PER1: variants seen among roughly 807,000 people sequenced by gnomAD.
PER1 encodes the protein period circadian protein homolog 1.
Under a neutral mutation model 125.9 loss-of-function variants are expected in PER1, and 87 were observed. The observed-to-expected ratio is 0.69, with a 90% CI of 0.58 to 0.83. The LOEUF (loss-of-function observed/expected upper bound fraction) is 0.83. Among genes scored for constraint, PER1 ranks in the 40% least tolerant of loss-of-function variants. The pLI, the probability that PER1 is intolerant of heterozygous loss-of-function variation, is 0.00. For missense variants in PER1, 1,775 were observed against 1,722.8 expected (o/e 1.03, Z -0.54); for synonymous variants, 801 against 714.7 (o/e 1.12, Z -1.93).
chr17:8,145,049 C>G, intron 17 of PER1, 56 bp from the exon 18 acceptor site: 1 of 1,390,542 alleles, frequency 7.2e-7, no homozygotes, highest in Non-Finnish European at 9.4e-7. Flanking sequence ...GTCAACACAT[C>G]CATACCACAC....
chr17:8,141,422 A>G (rs1982073119), intron 22 of PER1, 82 bp from the exon 23 acceptor site: 4 of 1,463,236 alleles, frequency 2.7e-6, no homozygotes, highest in African/African-American at 2.8e-5. Flanking sequence ...CCCCCAGCCC[A>G]CTGTGCTTCC....
Position 8,150,676 on chromosome 17 carries a change from C to G in PER1, c.31G>C (p.Gly11Arg). 1.3e-6 allele frequency: 2 copies of G among 1,581,646 alleles called. No individual in the cohort carries two copies. The highest frequency in any genetic ancestry group is 1.1e-5 in the South Asian group (1 of 87,114). MSGPLEGADG[G>R]GDPRPGESFC... The stretch of plus-strand genomic sequence containing the variant: ...GATTCCCCAGGCCTGGGGTCCCCTC[C>G]CCCATCAGCCCCTTCTAGGGGGCCA... Residue 11 changes from glycine (G) to arginine (R), a missense_variant, in exon 2 of 23, where the codon GGA (glycine) becomes CGA (arginine). Physicochemically the swap from Gly to Arg is moderately radical, Grantham distance 125. Transcript: ENST00000317276.
chr17:8,151,599 ACT>A (rs1038703146), intron 1 of PER1, among the ~76,000 whole-genome samples: 2 of 151,246 alleles, frequency 1.3e-5, no homozygotes, highest in African/African-American at 4.9e-5. Flanking sequence ...CCTCAACCTG[ACT>A]CTCGCCTGGA....
intron 10 of PER1, 65 bp downstream of exon 10, chr17:8,147,932 C>A: frequency 1.3e-6 from 2 of 1,582,596 alleles, no homozygotes; most frequent in Non-Finnish European, 8.6e-7. Context: ...AGAGACACAA[C>A]CACAAGGGCA....
chr17:8,149,348 C>T (rs2151861576), intron 6 of PER1, 38 bp from the exon 7 acceptor site: 2 of 1,611,092 alleles, frequency 1.2e-6, no homozygotes, highest in African/African-American at 2.7e-5. Context: ...CAGCTTCCTG[C>T]CCCTTCCCTA....
At chr17:8,148,289 T>A in intron 8 of PER1, 30 bp from the exon 9 acceptor site, 1 of 1,587,712 alleles carries the variant, frequency 6.3e-7, no homozygotes, top group South Asian at 1.1e-5. Context: ...GTCACTGGGT[T>A]TCGTCCAGAA....
Position 8,141,092 on chromosome 17 carries a change from AG to A in PER1, c.3848del (p.Pro1283LeufsTer20). On this transcript the variant is annotated frameshift_variant, in exon 23 of 23. Transcript: ENST00000317276. LOFTEE classifies it high-confidence loss of function. ...EGRSSSSPAL[P>X]TAGNCTS is the part of the protein sequence containing the mutation. ...TCTAGCTGGTGCAGTTTCCTGCTGT[AG>A]GTAAGGCTGGACTGGATGAGCTCCT... 6.2e-7 allele frequency: 1 copy of A among 1,613,706 alleles called. No homozygotes were observed. The highest frequency in any genetic ancestry group is 8.5e-7 in the Non-Finnish European group (1 of 1,179,762).
At chr17:8,143,146 ACTCC>A (rs1369665849) in intron 19 of PER1, 116 bp downstream of exon 19, 1 of 710,064 alleles carries the variant, frequency 1.4e-6, no homozygotes, top group Non-Finnish European at 2.2e-6. Flanking sequence ...TCAGCTGGGG[ACTCC>A]CTCCACCTCC....
rs548724906 is a variant in PER1 at position 8,143,792 on chromosome 17, C to T, written c.2546G>A (p.Arg849Gln). Reference sequence around the variant, plus strand: ...TGAGACATAGCAGGGCGCTTCAGCCCGAGGGTTCTGGTGGTGGCGTGAGCG... The same window carrying T: ...TGAGACATAGCAGGGCGCTTCAGCCTGAGGGTTCTGGTGGTGGCGTGAGCG... ...AKRSRHHQNP[R>Q]AEAPCYVSHP... The change falls in exon 19 of 23, where the codon CGG becomes CAG. Residue 849 changes from arginine (R) to glutamine (Q), a missense_variant. Arg to Gln is a conservative substitution (Grantham distance 43, BLOSUM62 1). Transcript: ENST00000317276. The T allele has an allele frequency of 6.2e-6, 10 of 1,608,606 alleles. No homozygotes were observed. The East Asian group carries it at 1.1e-4, about 18-fold the overall frequency.
rs767843856 is a variant in PER1 at position 8,149,674 on chromosome 17, G to T, written c.652-11C>A. ...CACTGAGAAGGTATCCTGGCAGGAG[G>T]GGGAGAGCAAGAGCAGATTCAAGAG... On this transcript the variant is annotated splice_polypyrimidine_tract_variant and intron_variant, in intron 5 of 22. Coordinates refer to ENST00000317276, the MANE Select transcript of PER1 (RefSeq NM_002616.3). 10 of 1,609,764 alleles carry T rather than the reference G, an allele frequency of 6.2e-6. No homozygotes were observed. Among genetic ancestry groups the T allele is most frequent in the South Asian group, 2.2e-5 (2 of 91,024 alleles).
chr17:8,146,852 AC>A (rs367891081), intron 14 of PER1, 44 bp downstream of exon 14: 9 of 1,602,956 alleles, frequency 5.6e-6, no homozygotes, highest in South Asian at 5.5e-5. Flanking sequence ...AGGTCAGGGG[AC>A]CCCCCAGGTC....
At chr17:8,150,341 T>C in intron 2 of PER1, 24 bp from the exon 3 acceptor site, 3 of 1,546,362 alleles carry the variant, frequency 1.9e-6, no homozygotes, top group Non-Finnish European at 2.6e-6. Context: ...ACAGGCCCAG[T>C]TACAGGTAGG....
rs1982439213 is a variant in PER1 at position 8,146,398 on chromosome 17, C to T, written c.2012G>A (p.Gly671Asp). Residue 671 changes from glycine to aspartate, a missense_variant, in exon 16 of 23, where the codon GGT becomes GAT. Coordinates refer to ENST00000317276, the MANE Select transcript of PER1 (RefSeq NM_002616.3). The part of the protein sequence containing the change: ...SASDDDRQRT[G>D]PVSVGTKKDP... ...TTTCTTGGTCCCCACAGAGACTGGA[C>T]CTGTCCTCTGCCTGTCGTCGTCAGA... 2 of 1,611,568 alleles carry T rather than the reference C, an allele frequency of 1.2e-6. No individual in the cohort carries two copies. Among genetic ancestry groups the T allele is most frequent in the Non-Finnish European group, 1.7e-6 (2 of 1,178,802 alleles).
chr17:8,148,646 T>C lies in PER1; in HGVS notation c.1046A>G (p.Glu349Gly), dbSNP rs368859646. Residue 349 changes from glutamate to glycine, a missense_variant and splice_region_variant, in exon 8 of 23, where the codon GAA (glutamate) becomes GGA (glycine). Glu to Gly is a moderately conservative substitution (Grantham distance 98). Coordinates refer to ENST00000317276, the MANE Select transcript of PER1 (RefSeq NM_002616.3). ...LIAERIHSGY[E>G]APRIPPDKRI... ...GGCCAGGGCCCTGACCTGCCCACCTTCGTAACCCGAATGGATGCGCTCTGC... is the reference window on the plus strand; with the variant it reads ...GGCCAGGGCCCTGACCTGCCCACCTCCGTAACCCGAATGGATGCGCTCTGC... 1 of 1,604,588 alleles carries C rather than the reference T, an allele frequency of 6.2e-7. No individual in the cohort carries two copies. The highest frequency in any genetic ancestry group is 8.5e-7 in the Non-Finnish European group (1 of 1,176,552).
chr17:8,144,167 G>A (rs913613978), intron 18 of PER1: 2 of 487,522 alleles, frequency 4.1e-6, no homozygotes, highest in South Asian at 6.6e-5. Context: ...GGAGGAAGCA[G>A]GGTGAGTCCA....
rs753638058 is a variant in PER1, at chr17:8,141,990, G to A, written c.3450-35C>T. On this transcript the variant is annotated intron_variant, in intron 21 of 22. Transcript: ENST00000317276. ...AAGGGGTTCAGAAGGCAGAGGCTGGGATCCAGGACCCGGACCAGGACCCAT... is the reference window on the plus strand; with the variant it reads ...AAGGGGTTCAGAAGGCAGAGGCTGGAATCCAGGACCCGGACCAGGACCCAT... 1.7e-5 allele frequency: 27 copies of A among 1,611,782 alleles called. No individual in the cohort carries two copies. The South Asian group carries it at 2.0e-4, about 12-fold the overall frequency.
Position 8,143,707 on chromosome 17 carries a change from G to A in PER1, c.2631C>T (p.Phe877=), listed in dbSNP as rs1392481422. 1 of 1,408,984 alleles carries A rather than the reference G, an allele frequency of 7.1e-7. No homozygotes were observed. Among genetic ancestry groups the A allele is most frequent in the Admixed American group, 2.1e-5 (1 of 46,584 alleles). The allele number at this position is 1,408,984 out of a possible 1,614,324, so 87.3% of individuals were successfully genotyped here. A position where few individuals can be genotyped will look rare whatever the true frequency, so the allele number is the denominator to read the frequency against. Residue 877 remains phenylalanine, a synonymous_variant, in exon 19 of 23, where the codon TTC becomes TTT. Coordinates refer to ENST00000317276, the MANE Select transcript of PER1 (RefSeq NM_002616.3). The stretch of plus-strand genomic sequence containing the variant: ...GAGGGTAGGGCTGGACAACCGCTGG[G>A]AAGGGGGTAGTGGCTGGTGGGGTGG... ...PWPTPPATTP[F]PAVVQPYPLP...
intron 1 of PER1, among the ~76,000 whole-genome samples, chr17:8,151,257 A>C (rs1982845502): frequency 6.6e-6 from 1 of 152,194 alleles, no homozygotes; most frequent in African/African-American, 2.4e-5. Flanking sequence ...CCCCCGCTGC[A>C]CATGCGCGCC....
chr17:8,150,248 C>G lies in PER1; in HGVS notation c.345G>C (p.Glu115Asp). ...IAYSLLSASS[E>D]QDNPSTSGCS... The stretch of plus-strand genomic sequence containing the variant: ...AGCCACTGGTGGACGGGTTGTCCTG[C>G]TCTGAGCTGGCACTCAGGAGGCTGT... Residue 115 changes from glutamate to aspartate, a missense_variant, in exon 3 of 23, where the codon GAG becomes GAC. Physicochemically the swap from Glu to Asp is conservative, Grantham distance 45. Transcript: ENST00000317276. 1 of 1,577,430 alleles carries G rather than the reference C, an allele frequency of 6.3e-7. No individual in the cohort carries two copies. The highest frequency in any genetic ancestry group is 8.6e-7 in the Non-Finnish European group (1 of 1,158,290).
Sources: gnomAD v4.1 joint callset for allele counts (sites outside exome capture counted in the v4.1 genomes callset) on GRCh38, gnomAD v4.1.1 for gene constraint, MANE v1.5 for transcripts, NCBI Gene and HGNC (gene_info 2026-07-23, HGNC 2026-07-21) for gene names.